Variants in INTS9 observed in about 807,000 individuals in gnomAD.
The protein encoded by INTS9 is protein related to CPSF subunits of 74 kDa.
Under a neutral mutation model 79.7 loss-of-function variants are expected in INTS9, and 55 were observed. That is an observed-to-expected ratio of 0.69 (90% confidence interval 0.56 to 0.86). INTS9 has a LOEUF of 0.86. INTS9 is among the 40% of genes least tolerant of loss of function. The pLI, the probability that INTS9 is intolerant of heterozygous loss-of-function variation, is 0.00. For synonymous variants in INTS9, 319 were observed against 325.2 expected, an observed-to-expected ratio of 0.98 and a Z score of 0.20; for missense variants, 721 against 831.5, an observed-to-expected ratio of 0.87 and a Z score of 1.64.
intron 8 of INTS9, among the ~76,000 whole-genome samples, chr8:28,797,639 T>C (rs1334654824): frequency 2.6e-5 from 4 of 152,226 alleles, no homozygotes; most frequent in Non-Finnish European, 1.5e-5. Flanking sequence ...TATTACCCTT[T>C]CTAAATAAAT....
intron 4 of INTS9, among the ~76,000 whole-genome samples, chr8:28,844,558 G>T (rs1807391822): frequency 6.6e-6 from 1 of 152,130 alleles, no homozygotes; most frequent in Non-Finnish European, 1.5e-5. Flanking sequence ...GGGCGTGGTG[G>T]GTCACGCCTG....
At chr8:28,879,207 C>T (rs1809562086) in intron 1 of INTS9, among the ~76,000 whole-genome samples, 1 of 152,118 alleles carries the variant, frequency 6.6e-6, no homozygotes, top group Non-Finnish European at 1.5e-5. Flanking sequence ...AATCCAGCAA[C>T]ATATACAAAA....
At chr8:28,815,892 A>C (rs1355963760) in intron 6 of INTS9, among the ~76,000 whole-genome samples, 1 of 152,200 alleles carries the variant, frequency 6.6e-6, no homozygotes, top group Non-Finnish European at 1.5e-5. Flanking sequence ...AACACAGTGT[A>C]CACTTGAGAA....
At chr8:28,869,298 G>C (rs999480627) in intron 1 of INTS9, among the ~76,000 whole-genome samples, 2 of 152,140 alleles carry the variant, frequency 1.3e-5, no homozygotes, top group African/African-American at 2.4e-5. Flanking sequence ...TGCCAGCCTT[G>C]GCCTCCCAAA....
chr8:28,867,356 T>C (rs1349964130), intron 1 of INTS9, among the ~76,000 whole-genome samples: 1 of 151,742 alleles, frequency 6.6e-6, no homozygotes, highest in Non-Finnish European at 1.5e-5. Flanking sequence ...GAGGCGGAGG[T>C]TGCAGTGAAT....
intron 12 of INTS9, among the ~76,000 whole-genome samples, chr8:28,779,935 T>C (rs905134959): frequency 2.0e-5 from 3 of 152,152 alleles, no homozygotes; most frequent in African/African-American, 7.2e-5. Flanking sequence ...GTTCTGTGCC[T>C]GGTGCCCAGA....
chr8:28,884,327 G>A (rs1305682895), intron 1 of INTS9, among the ~76,000 whole-genome samples: 1 of 151,572 alleles, frequency 6.6e-6, no homozygotes, highest in East Asian at 1.9e-4. Context: ...GGGACTACGG[G>A]CACAAGACAC....
At chr8:28,809,754 G>A (rs1233564915) in intron 8 of INTS9, among the ~76,000 whole-genome samples, 1 of 152,188 alleles carries the variant, frequency 6.6e-6, no homozygotes, top group Non-Finnish European at 1.5e-5. Context: ...CAATGAAGCA[G>A]ATGATGGTGA....
chr8:28,790,487 C>T (rs1237298684), intron 10 of INTS9, among the ~76,000 whole-genome samples: 1 of 152,096 alleles, frequency 6.6e-6, no homozygotes, highest in Admixed American at 6.6e-5. Context: ...ACCACCATAC[C>T]CTGCTAATAT....
chr8:28,805,256 G>C (rs1563262797), intron 8 of INTS9, among the ~76,000 whole-genome samples: 2 of 152,094 alleles, frequency 1.3e-5, no homozygotes, highest in Non-Finnish European at 2.9e-5. Context: ...GACAACAAGC[G>C]ATACAAGTGG....
chr8:28,795,113 C>CT (rs1236175237), intron 9 of INTS9, among the ~76,000 whole-genome samples: 1 of 152,210 alleles, frequency 6.6e-6, no homozygotes, highest in Admixed American at 6.5e-5. Context: ...AAGATGACCA[C>CT]TTCTTCTTCC....
chr8:28,784,985 C>T (rs1803494840), intron 11 of INTS9, among the ~76,000 whole-genome samples: 1 of 152,182 alleles, frequency 6.6e-6, no homozygotes, highest in Non-Finnish European at 1.5e-5. Flanking sequence ...TCAGTCTTCC[C>T]TTGTCCTCTA....
chr8:28,863,129 G>C (rs1177903183), intron 1 of INTS9, among the ~76,000 whole-genome samples: 2 of 152,070 alleles, frequency 1.3e-5, no homozygotes, highest in African/African-American at 4.8e-5. Context: ...ATTCTACAGC[G>C]GCATTCACTA....
intron 1 of INTS9, among the ~76,000 whole-genome samples, chr8:28,877,956 A>G (rs1296620045): frequency 2.0e-5 from 3 of 152,224 alleles, no homozygotes; most frequent in African/African-American, 7.2e-5. Flanking sequence ...ATTTGAAAGC[A>G]GTATTGAAAA....
chr8:28,798,374 A>G (rs952817009), intron 8 of INTS9: 11 of 152,356 alleles, frequency 7.2e-5, no homozygotes, highest in African/African-American at 2.2e-4. Context: ...AATGGCAATC[A>G]TTTTATATGG....
rs547708629 is a variant in INTS9 at position 28,788,704 on chromosome 8, C to A, written c.1038-815G>T. Among the ~76,000 whole-genome samples, 48 of 152,334 alleles carry A rather than the reference C, an allele frequency of 3.2e-4. No homozygotes were observed. The South Asian group carries it at 9.5e-3, about 30-fold the overall frequency. The stretch of plus-strand genomic sequence containing the variant: ...AAAGTGCTGAGATTACAGGCGTGAG[C>A]CACTGTGCCTGGCCCTCACACTCTT... On this transcript the variant is annotated intron_variant, in intron 10 of 16. Coordinates refer to ENST00000521022, the MANE Select transcript of INTS9 (RefSeq NM_018250.4).
chr8:28,771,311 T>G lies in INTS9; in HGVS notation c.1564-231A>C, dbSNP rs1322960173. On this transcript the variant is annotated intron_variant, in intron 14 of 16. Transcript: ENST00000521022. ...CCTCATCCCCTCTCCAGGTGACCAGTGGCAGGAAGGACGGGGACAGCAGCA... is the reference window on the plus strand; with the variant it reads ...CCTCATCCCCTCTCCAGGTGACCAGGGGCAGGAAGGACGGGGACAGCAGCA... 5.5e-6 allele frequency: 3 copies of G among 548,544 alleles called. No individual in the cohort carries two copies. The African/African-American group carries it at 5.7e-5, about 10-fold the overall frequency. The allele number at this position is 548,544 out of a possible 1,614,324, so 34.0% of individuals were successfully genotyped here. A position where few individuals can be genotyped will look rare whatever the true frequency, so the allele number is the denominator to read the frequency against.
intron 2 of INTS9, among the ~76,000 whole-genome samples, chr8:28,858,626 A>C (rs548586750): frequency 3.3e-5 from 5 of 152,316 alleles, no homozygotes; most frequent in East Asian, 3.9e-4. Context: ...TCTCAGAAAA[A>C]TCAATAGCTG....
chr8:28,831,117 T>C (rs2131153260), intron 6 of INTS9, among the ~76,000 whole-genome samples: 2 of 152,314 alleles, frequency 1.3e-5, no homozygotes, highest in Middle Eastern at 6.8e-3. Context: ...CACCATGGAA[T>C]ACTATGCAGC....
Sources: gnomAD v4.1 joint callset for allele counts (sites outside exome capture counted in the v4.1 genomes callset) on GRCh38, gnomAD v4.1.1 for gene constraint, MANE v1.5 for transcripts, NCBI Gene and HGNC (gene_info 2026-07-23, HGNC 2026-07-21) for gene names.